Variants in KDM2B observed in about 807,000 individuals in gnomAD.
KDM2B encodes lysine-specific demethylase 2B.
Under a neutral mutation model 150.0 loss-of-function variants are expected in KDM2B, and 26 were observed. The ratio of observed to expected loss-of-function variants is 0.17; its 90% CI spans 0.13 to 0.24. The LOEUF (loss-of-function observed/expected upper bound fraction) is 0.24, where lower values mean the gene tolerates loss of function less well. Ranked by LOEUF, KDM2B falls within the 10% of genes least tolerant of loss-of-function variation. The pLI, the probability that KDM2B is intolerant of heterozygous loss-of-function variation, is 1.00. For missense variants in KDM2B, 1,265 were observed against 1,816.9 expected (o/e 0.70, Z 5.52); for synonymous variants, 734 against 729.5 (o/e 1.01, Z -0.10).
chr12:121,484,809 C>A (rs1593910214), intron 12 of KDM2B, among the ~76,000 whole-genome samples: 1 of 151,908 alleles, frequency 6.6e-6, no homozygotes, highest in Non-Finnish European at 1.5e-5. Context: ...CAGAGCAAGA[C>A]CCTGTCTCAG....
intron 12 of KDM2B, among the ~76,000 whole-genome samples, chr12:121,479,263 C>A (rs1881782054): frequency 6.6e-6 from 1 of 151,630 alleles, no homozygotes; most frequent in South Asian, 2.1e-4. Context: ...TCCTGGCTAA[C>A]AAGGTGAAAC....
At chr12:121,514,260 C>T (rs1056710595) in intron 9 of KDM2B, among the ~76,000 whole-genome samples, 1 of 152,066 alleles carries the variant, frequency 6.6e-6, no homozygotes, top group Non-Finnish European at 1.5e-5. Flanking sequence ...ACTACTGGCG[C>T]GCGCACCACC....
intron 11 of KDM2B, among the ~76,000 whole-genome samples, chr12:121,502,231 G>A (rs1884634030): frequency 6.6e-6 from 1 of 152,194 alleles, no homozygotes; most frequent in Non-Finnish European, 1.5e-5. Context: ...TGACCATGAT[G>A]CTGTATTCCA....
intron 8 of KDM2B, chr12:121,524,641 G>A (rs1183600108): frequency 2.2e-6 from 1 of 445,190 alleles, no homozygotes; most frequent in South Asian, 1.6e-5. Context: ...AGAAGGAGGT[G>A]TGGAAATAAC....
the KDM2B span, chr12:121,417,790 C>A: frequency 6.2e-7 from 1 of 1,614,142 alleles, no homozygotes; most frequent in East Asian, 2.2e-5. This position sits in a 1 kb window ranked among gnomAD's most constrained non-coding sequence, Gnocchi z 5.0. Context: ...AGGTCCCAGA[C>A]TTCTAGCTTT....
At position 121,513,991 on chromosome 12, in the gene KDM2B, C is replaced by G. The variant is rs1555304480; in HGVS notation, c.1048-589G>C. Among the ~76,000 whole-genome samples, 2 of 152,132 alleles carry G rather than the reference C, an allele frequency of 1.3e-5. No homozygotes were observed. Among genetic ancestry groups the G allele is most frequent in the African/African-American group, 4.8e-5 (2 of 41,420 alleles). On this transcript the variant is annotated intron_variant, in intron 9 of 22. Coordinates refer to ENST00000377071, the MANE Select transcript of KDM2B (RefSeq NM_032590.5). The surrounding 1 kb of genome is among the most constrained non-coding windows in gnomAD (Gnocchi z 5.0). ...GGGGTGGGGCCTTGAAGGGGTCCAT[C>G]TCCTGCTCCTCCCCACACCCGTCTG...
chr12:121,421,694 A>G, the KDM2B span, among the ~76,000 whole-genome samples: 40 of 152,200 alleles, frequency 2.6e-4, no homozygotes, highest in African/African-American at 8.9e-4. Flanking sequence ...TAATTGTAAA[A>G]AAAATATATA....
In KDM2B at chr12:121,521,239, C is replaced by T. The variant is rs1280806622; in HGVS notation, c.932-139G>A. ...GAGCAGCCAGGGCCTGGGGCAGCGG[C>T]GCCCAGCAATGCCTGCTGCACAACG... On this transcript the variant is annotated intron_variant, in intron 8 of 22. Coordinates refer to ENST00000377071, the MANE Select transcript of KDM2B (RefSeq NM_032590.5). The surrounding 1 kb of genome is among the most constrained non-coding windows in gnomAD (Gnocchi z 4.9). The T allele has an allele frequency of 2.6e-5, 16 of 614,380 alleles. No homozygotes were observed. Among genetic ancestry groups the T allele is most frequent in the South Asian group, 1.6e-4 (9 of 54,556 alleles). 38.1% of individuals were successfully genotyped at this position (614,380 alleles called of 1,614,324 possible).
intron 4 of KDM2B, among the ~76,000 whole-genome samples, chr12:121,554,215 G>A (rs1247018765): frequency 6.6e-6 from 1 of 151,602 alleles, no homozygotes; most frequent in African/African-American, 2.4e-5. Context: ...TCCAGCTTGG[G>A]CAACAGAGCC....
At chr12:121,480,302 A>G (rs1201524005) in intron 12 of KDM2B, among the ~76,000 whole-genome samples, 4 of 151,990 alleles carry the variant, frequency 2.6e-5, no homozygotes, top group Admixed American at 2.6e-4. Context: ...TATCCAATTT[A>G]CAGAAGTTGC....
chr12:121,504,284 A>C (rs1884856476), intron 11 of KDM2B, among the ~76,000 whole-genome samples: 1 of 151,586 alleles, frequency 6.6e-6, no homozygotes, highest in African/African-American at 2.4e-5. Context: ...TCAGTCTCAG[A>C]CTCCTGGGCT....
At chr12:121,509,407 C>G (rs1885383326) in intron 11 of KDM2B, among the ~76,000 whole-genome samples, 160 bp downstream of exon 11, 1 of 151,956 alleles carries the variant, frequency 6.6e-6, no homozygotes, top group Non-Finnish European at 1.5e-5. Flanking sequence ...CCTACATAGG[C>G]TTTTGTGGAC....
At chr12:121,436,701 C>T (rs543381119) in intron 22 of KDM2B, among the ~76,000 whole-genome samples, 3 of 152,030 alleles carry the variant, frequency 2.0e-5, no homozygotes, top group South Asian at 2.1e-4. Context: ...AGAACACAGA[C>T]GTCCAGACTG....
At chr12:121,517,948 A>G (rs1251277215) in intron 9 of KDM2B, among the ~76,000 whole-genome samples, 1 of 152,060 alleles carries the variant, frequency 6.6e-6, no homozygotes, top group East Asian at 1.9e-4. Flanking sequence ...GCTGGAGTGC[A>G]GTGGTGCGAT....
chr12:121,505,465 C>T (rs1252193060), intron 11 of KDM2B, among the ~76,000 whole-genome samples: 2 of 151,932 alleles, frequency 1.3e-5, no homozygotes, highest in East Asian at 1.9e-4. Context: ...ACAGCGAGAC[C>T]TCTGTCTCTA....
chr12:121,417,843 A>G, the KDM2B span: 1 of 1,614,120 alleles, frequency 6.2e-7, no homozygotes, highest in Non-Finnish European at 8.5e-7. This position sits in a 1 kb window ranked among gnomAD's most constrained non-coding sequence, Gnocchi z 5.0. Flanking sequence ...CCCCTCTGCT[A>G]CTATGTCTTC....
At chr12:121,539,647 C>T (rs899918898) in intron 6 of KDM2B, among the ~76,000 whole-genome samples, 10 of 151,932 alleles carry the variant, frequency 6.6e-5, no homozygotes, top group Non-Finnish European at 1.0e-4. Flanking sequence ...CCCAGAAGCA[C>T]TTGGTTTGGC....
At chr12:121,508,652 C>A (rs1215559943) in intron 11 of KDM2B, among the ~76,000 whole-genome samples, 2 of 152,202 alleles carry the variant, frequency 1.3e-5, no homozygotes, top group East Asian at 3.8e-4. Flanking sequence ...GCGGTAGACA[C>A]ACAGAAGCTC....
At chr12:121,459,528 T>G (rs1347296081) in intron 12 of KDM2B, among the ~76,000 whole-genome samples, 6 of 152,190 alleles carry the variant, frequency 3.9e-5, no homozygotes, top group African/African-American at 1.4e-4. Context: ...TAAATTCGAC[T>G]TCATCAAAAT....
Sources: gnomAD v4.1 joint callset for allele counts (sites outside exome capture counted in the v4.1 genomes callset) on GRCh38, gnomAD v4.1.1 for gene constraint, Gnocchi (gnomAD v3.1) non-coding constraint, MANE v1.5 for transcripts, NCBI Gene and HGNC (gene_info 2026-07-23, HGNC 2026-07-21) for gene names.